Variants in NCKAP5 observed in about 807,000 individuals in gnomAD.
The protein encoded by NCKAP5 is NCK associated protein 5.
A neutral mutation model predicts 167.0 loss-of-function variants in NCKAP5; 92 were observed. The observed-to-expected ratio is 0.55, with a 90% CI of 0.47 to 0.66. The LOEUF is 0.66. NCKAP5 is among the 30% of genes least tolerant of loss of function. The probability of loss-of-function intolerance (pLI) is 0.00; values close to 1 mark genes in which losing one functional copy is unlikely to be tolerated. For synonymous variants in NCKAP5, 891 were observed against 877.4 expected, an observed-to-expected ratio of 1.02 and a Z score of -0.27; for missense variants, 2,378 against 2,315.0, an observed-to-expected ratio of 1.03 and a Z score of -0.56.
intron 3 of NCKAP5, among the ~76,000 whole-genome samples, chr2:133,477,110 G>A (rs574305259): frequency 3.3e-5 from 5 of 152,148 alleles, no homozygotes; most frequent in Non-Finnish European, 7.4e-5. Context: ...GAAACTTAAG[G>A]TTGGATTAAA....
At chr2:133,408,362 C>T (rs1473717064) in intron 3 of NCKAP5, among the ~76,000 whole-genome samples, 1 of 152,144 alleles carries the variant, frequency 6.6e-6, no homozygotes, top group Non-Finnish European at 1.5e-5. Flanking sequence ...GTTTTTTCAA[C>T]TCTCTCCGAA....
At chr2:133,446,205 C>G (rs1559490907) in intron 3 of NCKAP5, among the ~76,000 whole-genome samples, 1 of 152,068 alleles carries the variant, frequency 6.6e-6, no homozygotes, top group Non-Finnish European at 1.5e-5. Context: ...AACTGAAAAG[C>G]CTTGACAATT....
At chr2:132,793,568 A>G (rs1684243406) in intron 12 of NCKAP5, among the ~76,000 whole-genome samples, 1 of 152,234 alleles carries the variant, frequency 6.6e-6, no homozygotes, top group African/African-American at 2.4e-5. Context: ...TCTGTGACCC[A>G]TGCTTTGCGC....
At chr2:133,602,737 A>C in the NCKAP5 span, among the ~76,000 whole-genome samples, 1 of 152,232 alleles carries the variant, frequency 6.6e-6, no homozygotes, top group East Asian at 1.9e-4. Flanking sequence ...GCCTTGGGCC[A>C]GCTTCAGCCT....
intron 5 of NCKAP5, among the ~76,000 whole-genome samples, chr2:133,131,919 C>T (rs1371177863): frequency 6.6e-6 from 1 of 151,952 alleles, no homozygotes; most frequent in Non-Finnish European, 1.5e-5. Context: ...GGACAAGTCA[C>T]CAATACTACA....
intron 5 of NCKAP5, among the ~76,000 whole-genome samples, chr2:133,188,851 A>G (rs2085073718): frequency 6.6e-6 from 1 of 152,144 alleles, no homozygotes; most frequent in Admixed American, 6.6e-5. Context: ...TAAAATTGAC[A>G]CCCTAACATC....
chr2:132,770,872 TA>T (rs1414691177), intron 16 of NCKAP5, among the ~76,000 whole-genome samples: 1 of 152,220 alleles, frequency 6.6e-6, no homozygotes, highest in African/African-American at 2.4e-5. Flanking sequence ...ACGTCGTAGT[TA>T]AACCATTGTA....
At chr2:132,715,586 A>T (rs1010067050) in intron 19 of NCKAP5, among the ~76,000 whole-genome samples, 1 of 152,192 alleles carries the variant, frequency 6.6e-6, no homozygotes, top group East Asian at 1.9e-4. Context: ...CTCAGGGCAC[A>T]TGTTCTCTAA....
chr2:133,126,074 T>G (rs1025383612), intron 6 of NCKAP5, among the ~76,000 whole-genome samples: 1 of 152,198 alleles, frequency 6.6e-6, no homozygotes, highest in Non-Finnish European at 1.5e-5. Context: ...GCCATCAGGC[T>G]CATCACACAG....
At chr2:133,083,576 T>C (rs2080883577) in intron 6 of NCKAP5, among the ~76,000 whole-genome samples, 1 of 152,118 alleles carries the variant, frequency 6.6e-6, no homozygotes, top group Non-Finnish European at 1.5e-5. Context: ...TTAAAAGCAA[T>C]GGATTGGCAT....
intron 4 of NCKAP5, among the ~76,000 whole-genome samples, chr2:133,238,143 C>A (rs1553597718): frequency 6.6e-6 from 1 of 152,124 alleles, no homozygotes; most frequent in Non-Finnish European, 1.5e-5. Context: ...TAGTTTTTCT[C>A]AAAAAAGTGA....
At chr2:133,233,803 G>C (rs2087266413) in intron 4 of NCKAP5, among the ~76,000 whole-genome samples, 1 of 152,092 alleles carries the variant, frequency 6.6e-6, no homozygotes, top group Non-Finnish European at 1.5e-5. Flanking sequence ...TTATAGATGA[G>C]GAATCAGAAC....
At chr2:132,824,073 GTT>G (rs1326511241) in intron 11 of NCKAP5, among the ~76,000 whole-genome samples, 1 of 152,172 alleles carries the variant, frequency 6.6e-6, no homozygotes, top group East Asian at 1.9e-4. Flanking sequence ...GGATGTGAAT[GTT>G]TTCCTCTTGA....
intron 4 of NCKAP5, among the ~76,000 whole-genome samples, chr2:133,278,086 T>C (rs1197844246): frequency 1.3e-5 from 2 of 152,184 alleles, no homozygotes; most frequent in Non-Finnish European, 2.9e-5. Context: ...AAGGAATGGT[T>C]ACCTGACAAT....
chr2:133,236,899 T>C (rs1000450302), intron 4 of NCKAP5, among the ~76,000 whole-genome samples: 1 of 152,108 alleles, frequency 6.6e-6, no homozygotes, highest in African/African-American at 2.4e-5. Flanking sequence ...GAGTAGAAAT[T>C]CACCATTTAC....
chr2:132,894,145 G>GGAAGATGGGGA (rs1692948749), intron 8 of NCKAP5, among the ~76,000 whole-genome samples: 2 of 152,308 alleles, frequency 1.3e-5, no homozygotes, highest in East Asian at 3.9e-4. Context: ...CGATGGAAGG[G>GGAAGATGGGGA]GAAGATGGGG....
intron 3 of NCKAP5, among the ~76,000 whole-genome samples, chr2:133,422,343 G>T (rs928599504): frequency 6.6e-6 from 1 of 152,206 alleles, no homozygotes; most frequent in African/African-American, 2.4e-5. Flanking sequence ...ATCAAAGAGG[G>T]CAGCCCTTTC....
intron 3 of NCKAP5, among the ~76,000 whole-genome samples, chr2:133,444,804 G>A (rs2151177231): frequency 6.6e-6 from 1 of 152,296 alleles, no homozygotes; most frequent in Admixed American, 6.5e-5. Flanking sequence ...CCTCTGACTA[G>A]CGCTGGCCTT....
At chr2:132,719,267 T>A (rs182440769) in intron 19 of NCKAP5, among the ~76,000 whole-genome samples, 1,543 of 152,100 alleles carry the variant, frequency 0.01, 15 homozygotes, top group African/African-American at 0.029. Flanking sequence ...AAAAAAAAAA[T>A]TTTAAGTAAA....
Sources: gnomAD v4.1 joint callset for allele counts (sites outside exome capture counted in the v4.1 genomes callset) on GRCh38, gnomAD v4.1.1 for gene constraint, MANE v1.5 for transcripts, NCBI Gene and HGNC (gene_info 2026-07-23, HGNC 2026-07-21) for gene names.